Variants in NCR3LG1 observed in about 807,000 individuals in gnomAD.
NCR3LG1 encodes the protein natural killer cell cytotoxicity receptor 3 ligand 1.
Under a neutral mutation model 34.8 loss-of-function variants are expected in NCR3LG1, and 35 were observed. The ratio of observed to expected loss-of-function variants is 1.01; its 90% CI spans 0.77 to 1.33. NCR3LG1 has a LOEUF of 1.33. Among genes scored for constraint, NCR3LG1 ranks in the 40% most tolerant of loss-of-function variants. The pLI is 0.00. For synonymous variants in NCR3LG1, 173 were observed against 163.6 expected (o/e 1.06, Z -0.44); for missense variants, 452 against 423.3 (o/e 1.07, Z -0.60).
chr11:17,367,891 T>C (rs1244646191), intron 3 of NCR3LG1, among the ~76,000 whole-genome samples: 1 of 151,382 alleles, frequency 6.6e-6, no homozygotes, highest in Non-Finnish European at 1.5e-5. Context: ...TGATCTCAGC[T>C]CACCACAACC....
chr11:17,354,379 C>T (rs927639460), intron 1 of NCR3LG1, among the ~76,000 whole-genome samples: 1 of 152,318 alleles, frequency 6.6e-6, no homozygotes, highest in African/African-American at 2.4e-5. Flanking sequence ...AGCGCTTGGG[C>T]GCTCTGAAAA....
rs1208382543 is a variant in NCR3LG1 at position 17,356,970 on chromosome 11, G to A, written c.390G>A (p.Lys130=). ...YRCEVVVTPL[K]AQGTVQLEVV... ...GTGAGGTGGTGGTCACCCCTCTGAA[G>A]GCACAGGGAACAGTCCAGCTTGAAG... Residue 130 remains lysine (K), a synonymous_variant, in exon 2 of 5, where the codon AAG becomes AAA. Transcript: ENST00000338965. 1 of 1,533,720 alleles carries A rather than the reference G, an allele frequency of 6.5e-7. No homozygotes were observed. The highest frequency in any genetic ancestry group is 1.2e-5 in the South Asian group (1 of 83,742).
chr11:17,356,472 G>A (rs1250232731), intron 1 of NCR3LG1, among the ~76,000 whole-genome samples, 179 bp from the exon 2 acceptor site: 1 of 151,950 alleles, frequency 6.6e-6, no homozygotes, highest in Admixed American at 6.6e-5. Context: ...AATCCCATTC[G>A]TGAGGACTTT....
chr11:17,356,753 TCA>T lies in NCR3LG1; in HGVS notation c.175_176del (p.Thr59ValfsTer14), dbSNP rs1565501395. On this transcript the variant is annotated frameshift_variant, in exon 2 of 5. Transcript: ENST00000338965. LOFTEE classifies it high-confidence loss of function. The stretch of plus-strand genomic sequence containing the variant: ...ATCTTTTATTCCCAACCCCTCAACA[TCA>T]CGTCTATGGGTATCACCTGGTTTTG... 6.5e-7 allele frequency: 1 copy of T among 1,536,400 alleles called. No individual in the cohort carries two copies. The highest frequency in any genetic ancestry group is 2.0e-5 in the Admixed American group (1 of 50,996).
chr11:17,375,286 T>C lies in NCR3LG1; in HGVS notation c.*2774T>C, dbSNP rs1953462976. ...AAACTGAACATAATTGTGAACAGAC[T>C]GTAGTACAACCTATGCCGCTAGGGA... On this transcript the variant is annotated 3_prime_UTR_variant, in exon 5 of 5. Coordinates refer to ENST00000338965, the MANE Select transcript of NCR3LG1 (RefSeq NM_001202439.3). The C allele has an allele frequency of 6.6e-6, 1 of 152,174 alleles. No homozygotes were observed. Among genetic ancestry groups the C allele is most frequent in the African/African-American group, 2.4e-5 (1 of 41,444 alleles). 9.4% of individuals were successfully genotyped at this position (152,174 alleles called of 1,614,324 possible).
chr11:17,367,442 G>A, intron 3 of NCR3LG1, 95 bp downstream of exon 3: 3 of 1,063,580 alleles, frequency 2.8e-6, no homozygotes, highest in Middle Eastern at 4.8e-4. Context: ...GCTGGGGACT[G>A]AAGGGGAAAC....
chr11:17,360,891 C>T (rs962297943), intron 2 of NCR3LG1, among the ~76,000 whole-genome samples: 6 of 152,108 alleles, frequency 3.9e-5, no homozygotes, highest in Non-Finnish European at 5.9e-5. Flanking sequence ...CTCGCGCCAC[C>T]GCTCCCAGCC....
downstream of NCR3LG1, chr11:17,381,579 C>T (rs1277744872): frequency 6.6e-6 from 1 of 152,610 alleles, no homozygotes; most frequent in Non-Finnish European, 1.5e-5. Context: ...CTTGAAGTTA[C>T]TCCCCTTCCC....
Position 17,371,947 on chromosome 11 carries a change from C to T in NCR3LG1, c.859-59C>T, listed in dbSNP as rs60423336. 0.011 allele frequency: 7,217 copies of T among 631,626 alleles called. 390 individuals carry two copies. In the African/African-American group the frequency reaches 0.12, roughly 10 times the overall value. The allele number at this position is 631,626 out of a possible 1,614,324, so 39.1% of individuals were successfully genotyped here. ...CCCCTTCCATTTTTCTCTCTGCTGTCGATCACTCCAGAAGGACAAAGGAGA... is the reference window on the plus strand; with the variant it reads ...CCCCTTCCATTTTTCTCTCTGCTGTTGATCACTCCAGAAGGACAAAGGAGA... On this transcript the variant is annotated intron_variant, in intron 4 of 4. Coordinates refer to ENST00000338965, the MANE Select transcript of NCR3LG1 (RefSeq NM_001202439.3).
chr11:17,363,697 A>C (rs1273645856), intron 2 of NCR3LG1, among the ~76,000 whole-genome samples: 1 of 151,820 alleles, frequency 6.6e-6, no homozygotes, highest in Non-Finnish European at 1.5e-5. Flanking sequence ...CTCAAGCCCA[A>C]GTGATCCTCC....
chr11:17,367,416 C>A, intron 3 of NCR3LG1, 69 bp downstream of exon 3: 1 of 1,262,456 alleles, frequency 7.9e-7, no homozygotes. Context: ...CTTATTCCCA[C>A]ACAGCCTGGG....
At chr11:17,352,558 G>A (rs1203185815) in intron 1 of NCR3LG1, among the ~76,000 whole-genome samples, 1 of 152,162 alleles carries the variant, frequency 6.6e-6, no homozygotes, top group African/African-American at 2.4e-5. Context: ...CCTGCCCTGT[G>A]CAGGGTCGAC....
At position 17,374,590 on chromosome 11, in the gene NCR3LG1, T is replaced by G. The variant is rs1201391946; in HGVS notation, c.*2078T>G. The stretch of plus-strand genomic sequence containing the variant: ...ATCAGACTTTGGTAAAGTACCTAGG[T>G]CTGGTCTTGTCAGAAGGGAACAAGA... On this transcript the variant is annotated 3_prime_UTR_variant, in exon 5 of 5. Transcript: ENST00000338965. 7.2e-6 allele frequency: 1 copy of G among 138,276 alleles called. No individual in the cohort carries two copies. Among genetic ancestry groups the G allele is most frequent in the Non-Finnish European group, 1.7e-5 (1 of 59,664 alleles). The allele number at this position is 138,276 out of a possible 1,614,324, so 8.6% of individuals were successfully genotyped here. A position where few individuals can be genotyped will look rare whatever the true frequency, so the allele number is the denominator to read the frequency against.
downstream of NCR3LG1, among the ~76,000 whole-genome samples, chr11:17,380,055 G>C (rs2133373624): frequency 6.6e-6 from 1 of 152,300 alleles, no homozygotes; most frequent in Non-Finnish European, 1.5e-5. Flanking sequence ...AGCTGATGCT[G>C]GAATACTGAA....
At chr11:17,357,101 A>ACC in intron 2 of NCR3LG1, 100 bp downstream of exon 2, 2 of 816,172 alleles carry the variant, frequency 2.5e-6, no homozygotes, top group Non-Finnish European at 3.7e-6. Flanking sequence ...TGTATTATAA[A>ACC]ATGGTCTGAT....
chr11:17,353,418 ACTGCGGTCTGGAAACGCCTGTCG>A (rs1185412496), intron 1 of NCR3LG1, among the ~76,000 whole-genome samples: 129 of 152,112 alleles, frequency 8.5e-4, no homozygotes, highest in African/African-American at 2.2e-3. Context: ...AACGCCTGTC[ACTGCGGTCTGGAAACGCCTGTCG>A]CTGCGGTCTG....
rs1953487007 is a variant in NCR3LG1 at position 17,377,334 on chromosome 11, A to AAG, written c.*4823_*4824insGA. 2 of 151,300 alleles carry AAG rather than the reference A, an allele frequency of 1.3e-5. No homozygotes were observed. Among genetic ancestry groups the AAG allele is most frequent in the African/African-American group, 4.9e-5 (2 of 41,122 alleles). 9.4% of individuals were successfully genotyped at this position (151,300 alleles called of 1,614,324 possible). ...TGTACTAATAATACAAAAAAAAAAA[A>AAG]AAAAAAAGCCAGGCGTGGTGGTGCA... On this transcript the variant is annotated 3_prime_UTR_variant, in exon 5 of 5. Coordinates refer to ENST00000338965, the MANE Select transcript of NCR3LG1 (RefSeq NM_001202439.3).
chr11:17,379,092 G>A (rs547705663), downstream of NCR3LG1, among the ~76,000 whole-genome samples: 1 of 152,176 alleles, frequency 6.6e-6, no homozygotes, highest in African/African-American at 2.4e-5. Flanking sequence ...CACTCTTTTG[G>A]GCCCCCTCTT....
intron 1 of NCR3LG1, among the ~76,000 whole-genome samples, chr11:17,353,657 C>T (rs1327162462): frequency 6.6e-6 from 1 of 152,220 alleles, no homozygotes; most frequent in Non-Finnish European, 1.5e-5. Context: ...GCCGCGAGTT[C>T]TCAGGGAAGC....
Sources: gnomAD v4.1 joint callset for allele counts (sites outside exome capture counted in the v4.1 genomes callset) on GRCh38, gnomAD v4.1.1 for gene constraint, MANE v1.5 for transcripts, NCBI Gene and HGNC (gene_info 2026-07-23, HGNC 2026-07-21) for gene names.